Variants in SPEN observed in about 807,000 individuals in gnomAD.
The protein encoded by SPEN is spen family transcriptional repressor, also known as msx2-interacting protein.
SPEN carries 18 observed loss-of-function variants against 269.9 expected under a neutral mutation model. That is an observed-to-expected ratio of 0.07 (90% CI 0.05 to 0.10). The LOEUF (loss-of-function observed/expected upper bound fraction) is 0.10. SPEN is among the 10% of genes least tolerant of loss of function. The pLI, the probability that SPEN is intolerant of heterozygous loss-of-function variation, is 1.00. For synonymous variants in SPEN, 1,726 were observed against 1,765.7 expected (o/e 0.98, Z 0.56); for missense variants, 3,822 against 4,631.2 (o/e 0.83, Z 5.07).
Position 15,929,084 on chromosome 1 carries a change from T to A in SPEN, c.2844T>A (p.His948Gln). Residue 948 changes from histidine to glutamine, a missense_variant, in exon 11 of 15, where the codon CAT becomes CAA. Coordinates refer to ENST00000375759, the MANE Select transcript of SPEN (RefSeq NM_015001.3). The surrounding 1 kb of genome is among the most constrained non-coding windows in gnomAD (Gnocchi z 5.8). ...CAAAGGAAAAGGGGCTTTCAAGCCATGTTGAAGTGGTGGAGAAGGAAGGCA... is the reference window on the plus strand; with the variant it reads ...CAAAGGAAAAGGGGCTTTCAAGCCAAGTTGAAGTGGTGGAGAAGGAAGGCA... ...KVPKEKGLSSHVEVVEKEGRL... is the reference protein window; with the variant it reads ...KVPKEKGLSSQVEVVEKEGRL... 3.1e-6 allele frequency: 5 copies of A among 1,614,090 alleles called. No individual in the cohort carries two copies. Among genetic ancestry groups the A allele is most frequent in the Non-Finnish European group, 4.2e-6 (5 of 1,180,028 alleles).
intron 8 of SPEN, 28 bp downstream of exon 8, chr1:15,919,545 C>A: frequency 7.0e-7 from 1 of 1,437,908 alleles, no homozygotes. Context: ...GTATGTGGTT[C>A]AGACTTCTGA....
In SPEN at chr1:15,933,340, C is replaced by T. The variant is rs777458971; in HGVS notation, c.7100C>T (p.Pro2367Leu). Residue 2367 changes from proline to leucine, a missense_variant, in exon 11 of 15, where the codon CCT (proline) becomes CTT (leucine). Around this residue, in one of 16 missense-constraint regions of SPEN, gnomAD observed 727 missense variants for 737.9 expected, o/e 0.99. Transcript: ENST00000375759. The surrounding 1 kb of genome is among the most constrained non-coding windows in gnomAD (Gnocchi z 5.7). Reference protein sequence around the residue: ...PESNQAQGESPAANEGTTVQH... With the variant: ...PESNQAQGESLAANEGTTVQH... ...TCCAACCAAGCTCAAGGTGAGAGTC[C>T]TGCTGCAAATGAGGGGACAACAGTA... is the stretch of plus-strand genomic sequence containing the variant. 6.2e-7 allele frequency: 1 copy of T among 1,614,110 alleles called. No individual in the cohort carries two copies. Among genetic ancestry groups the T allele is most frequent in the South Asian group, 1.1e-5 (1 of 91,082 alleles).
intron 1 of SPEN, among the ~76,000 whole-genome samples, chr1:15,867,411 T>C (rs953982469): frequency 6.6e-6 from 1 of 152,200 alleles, no homozygotes; most frequent in African/African-American, 2.4e-5. Flanking sequence ...TTGCGCAGGC[T>C]GGTCTCCAAT....
intron 3 of SPEN, among the ~76,000 whole-genome samples, chr1:15,888,657 T>C (rs962922303): frequency 4.0e-5 from 6 of 148,526 alleles, no homozygotes; most frequent in Non-Finnish European, 8.9e-5. Flanking sequence ...TTTGAGACAG[T>C]GTTTTGCTCT....
chr1:15,928,684 A>G lies in SPEN; in HGVS notation c.2444A>G (p.Glu815Gly), dbSNP rs1236193442. 2 of 1,613,946 alleles carry G rather than the reference A, an allele frequency of 1.2e-6. No homozygotes were observed. Reference protein sequence around the residue: ...ERRLIRKEKVEKDKTDKQKRK... With the variant: ...ERRLIRKEKVGKDKTDKQKRK... ...CGCTTAATACGGAAGGAAAAAGTGG[A>G]AAAGGACAAAACTGACAAGCAGAAA... Residue 815 changes from glutamate (E) to glycine (G), a missense_variant, in exon 11 of 15, where the codon GAA becomes GGA. Around this residue, in one of 16 missense-constraint regions of SPEN, gnomAD observed 572 missense variants for 582.6 expected, o/e 0.98. Coordinates refer to ENST00000375759, the MANE Select transcript of SPEN (RefSeq NM_015001.3). The surrounding 1 kb of genome is among the most constrained non-coding windows in gnomAD (Gnocchi z 5.7).
intron 5 of SPEN, among the ~76,000 whole-genome samples, chr1:15,915,362 A>C (rs1265567097): frequency 6.6e-6 from 1 of 151,944 alleles, no homozygotes; most frequent in Non-Finnish European, 1.5e-5. Flanking sequence ...GGTGGCATGC[A>C]CTGGTGGTCC....
At chr1:15,891,191 GA>G (rs1369233867) in intron 3 of SPEN, among the ~76,000 whole-genome samples, 3 of 151,982 alleles carry the variant, frequency 2.0e-5, no homozygotes, top group East Asian at 1.9e-4. Flanking sequence ...TAATTGCTAT[GA>G]AAAAAATTTT....
chr1:15,874,452 C>CT, intron 2 of SPEN: 4 of 1,246,076 alleles, frequency 3.2e-6, no homozygotes, highest in East Asian at 4.7e-5. Flanking sequence ...GTCAAACTCT[C>CT]TTTTTTTCCC....
At position 15,930,696 on chromosome 1, in the gene SPEN, G is replaced by T. The variant is rs565802496; in HGVS notation, c.4456G>T (p.Ala1486Ser). Residue 1486 changes from alanine to serine, a missense_variant, in exon 11 of 15, where the codon GCT (alanine) becomes TCT (serine). Physicochemically the swap from Ala to Ser is moderately conservative, Grantham distance 99. Around this residue, in one of 16 missense-constraint regions of SPEN, gnomAD observed 267 missense variants for 315.5 expected, o/e 0.85. Transcript: ENST00000375759. This position sits in a 1 kb window ranked among gnomAD's most constrained non-coding sequence, Gnocchi z 5.3. ...NNKDKEKVDS[A>S]PRPIPSWYMK... ...CAAAGATAAAGAAAAGGTTGACTCT[G>T]CTCCAAGACCTATTCCATCCTGGTA... 6.2e-7 allele frequency: 1 copy of T among 1,614,076 alleles called. No homozygotes were observed. The highest frequency in any genetic ancestry group is 1.1e-5 in the South Asian group (1 of 91,072).
At position 15,853,707 on chromosome 1, in the gene SPEN, A is replaced by G. The variant is rs186733548; in HGVS notation, c.83+5557A>G. ...GAGACGGAGTCTCACTCTGTCACCC[A>G]GGCTGGGCTGGAGTGCAGTGGCATG... On this transcript the variant is annotated intron_variant, in intron 1 of 14. Transcript: ENST00000375759. Among the ~76,000 whole-genome samples, 213 of 149,208 alleles carry G rather than the reference A, an allele frequency of 1.4e-3. 1 individual carries two copies. The highest frequency in any genetic ancestry group is 5.0e-3 in the African/African-American group (203 of 40,358).
At chr1:15,896,241 G>T (rs939996087) in intron 3 of SPEN, among the ~76,000 whole-genome samples, 2 of 131,028 alleles carry the variant, frequency 1.5e-5, no homozygotes, top group Non-Finnish European at 3.1e-5. Flanking sequence ...TGTCACCCAG[G>T]CTGGAGTGCA....
chr1:15,899,508 G>C (rs1012899207), intron 3 of SPEN, among the ~76,000 whole-genome samples: 2 of 150,014 alleles, frequency 1.3e-5, no homozygotes, highest in Non-Finnish European at 3.0e-5. Flanking sequence ...CCATCCTAGT[G>C]GGTGTGAAGT....
chr1:15,933,347 A>C lies in SPEN; in HGVS notation c.7107A>C (p.Ala2369=). 1 of 1,614,170 alleles carries C rather than the reference A, an allele frequency of 6.2e-7. No individual in the cohort carries two copies. Among genetic ancestry groups the C allele is most frequent in the South Asian group, 1.1e-5 (1 of 91,086 alleles). The part of the protein sequence containing the change: ...SNQAQGESPA[A]NEGTTVQHPE... ...AAGCTCAAGGTGAGAGTCCTGCTGC[A>C]AATGAGGGGACAACAGTACAGCACC... Residue 2369 remains alanine (A), a synonymous_variant, in exon 11 of 15, where the codon GCA becomes GCC. Transcript: ENST00000375759. The surrounding 1 kb of genome is among the most constrained non-coding windows in gnomAD (Gnocchi z 5.7).
At chr1:15,858,793 A>C (rs933722349) in intron 1 of SPEN, among the ~76,000 whole-genome samples, 8 of 152,040 alleles carry the variant, frequency 5.3e-5, no homozygotes, top group Admixed American at 6.6e-5. Flanking sequence ...AACAAACAAA[A>C]AAAACCCGGG....
intron 10 of SPEN, among the ~76,000 whole-genome samples, chr1:15,924,163 G>C (rs140986199): frequency 6.6e-6 from 1 of 152,152 alleles, no homozygotes; most frequent in Non-Finnish European, 1.5e-5. Context: ...GAAAGTGAGC[G>C]TAAAATTATG....
intron 3 of SPEN, among the ~76,000 whole-genome samples, chr1:15,903,767 C>G (rs2070925651): frequency 6.6e-6 from 1 of 152,164 alleles, no homozygotes; most frequent in Non-Finnish European, 1.5e-5. Context: ...GTAGCTGGGA[C>G]TATGCACTGT....
chr1:15,918,410 G>GTT (rs1381188164), intron 6 of SPEN, among the ~76,000 whole-genome samples: 1 of 152,172 alleles, frequency 6.6e-6, no homozygotes, highest in African/African-American at 2.4e-5. Flanking sequence ...GTAGAGACAG[G>GTT]TTTTCACCGT....
intron 2 of SPEN, chr1:15,873,895 TA>T: frequency 8.8e-7 from 1 of 1,135,018 alleles, no homozygotes; most frequent in Non-Finnish European, 1.1e-6. Context: ...AGAGGATTAC[TA>T]TATCATTTCT....
chr1:15,882,418 T>C (rs1023607131), intron 3 of SPEN, among the ~76,000 whole-genome samples: 4 of 152,052 alleles, frequency 2.6e-5, no homozygotes, highest in African/African-American at 7.2e-5. Context: ...TCCCAGCACG[T>C]TGGGAGGTTG....
Sources: allele counts gnomAD v4.1 joint callset (sites outside exome capture counted in the v4.1 genomes callset), GRCh38; gene constraint gnomAD v4.1.1; regional missense constraint gnomAD v4.1.1; non-coding constraint Gnocchi (gnomAD v3.1); transcripts MANE v1.5; gene names NCBI Gene and HGNC (gene_info 2026-07-23, HGNC 2026-07-21).